SNX29: variants seen among roughly 807,000 people sequenced by gnomAD.
SNX29 encodes sorting nexin-29.
A neutral mutation model predicts 102.1 loss-of-function variants in SNX29; 78 were observed. That is an observed-to-expected ratio of 0.76 (90% CI 0.64 to 0.92). The LOEUF (loss-of-function observed/expected upper bound fraction) is 0.92, where lower values mean the gene tolerates loss of function less well. SNX29 is among the 40% of genes least tolerant of loss of function. The pLI, the probability that SNX29 is intolerant of heterozygous loss-of-function variation, is 0.00. For missense variants in SNX29, 1,280 were observed against 1,061.7 expected (o/e 1.21, Z -2.86); for synonymous variants, 580 against 414.5 (o/e 1.40, Z -4.85).
intron 19 of SNX29, among the ~76,000 whole-genome samples, chr16:12,513,688 A>G (rs1165716392): frequency 6.6e-6 from 1 of 152,218 alleles, no homozygotes; most frequent in Non-Finnish European, 1.5e-5. Flanking sequence ...GTCCCAGTAT[A>G]AAGATTAGAA....
intron 13 of SNX29, among the ~76,000 whole-genome samples, chr16:12,187,273 T>G (rs2076534056): frequency 6.6e-6 from 1 of 152,206 alleles, no homozygotes; most frequent in Admixed American, 6.5e-5. Flanking sequence ...AAAGATATGT[T>G]ATAGAGCTGG....
intron 1 of SNX29, chr16:11,983,654 C>T (rs2055480269): frequency 6.1e-6 from 6 of 985,336 alleles, no homozygotes; most frequent in African/African-American, 1.7e-5. Flanking sequence ...TAGCAACTGG[C>T]GATGGACTAG....
intron 15 of SNX29, among the ~76,000 whole-genome samples, chr16:12,321,546 G>T (rs2080930905): frequency 6.6e-6 from 1 of 152,196 alleles, no homozygotes; most frequent in Non-Finnish European, 1.5e-5. Flanking sequence ...GAGAGAGCGG[G>T]GGGAGGAGTG....
chr16:12,154,500 C>T (rs1353740066), intron 13 of SNX29, among the ~76,000 whole-genome samples: 3 of 152,086 alleles, frequency 2.0e-5, no homozygotes, highest in East Asian at 1.9e-4. Context: ...TAGGGTCTGT[C>T]GCCCCTATTA....
chr16:12,216,078 T>C (rs2077315921), intron 14 of SNX29, among the ~76,000 whole-genome samples: 1 of 152,224 alleles, frequency 6.6e-6, no homozygotes, highest in African/African-American at 2.4e-5. Context: ...CTTAAATTGT[T>C]TCTCAACAAT....
intron 15 of SNX29, among the ~76,000 whole-genome samples, chr16:12,280,109 A>G (rs1348230054): frequency 1.3e-5 from 2 of 152,178 alleles, no homozygotes; most frequent in Non-Finnish European, 2.9e-5. Context: ...CCACTAGTTC[A>G]TTCGTGGGCC....
At chr16:12,489,781 T>C (rs1237795219) in intron 19 of SNX29, among the ~76,000 whole-genome samples, 1 of 152,198 alleles carries the variant, frequency 6.6e-6, no homozygotes, top group Non-Finnish European at 1.5e-5. Flanking sequence ...CCCCGTTCAC[T>C]TCTCTACTTC....
rs1596485537 is a variant in SNX29, at chr16:12,198,795, G to T, written c.1596-806G>T. On this transcript the variant is annotated intron_variant, in intron 13 of 20. Coordinates refer to ENST00000566228, the MANE Select transcript of SNX29 (RefSeq NM_032167.5). ...AATGTGGAGAATACTGCAGGCTATTGTGCATTTTTCTACTGAATGAAGCAT... is the reference window on the plus strand; with the variant it reads ...AATGTGGAGAATACTGCAGGCTATTTTGCATTTTTCTACTGAATGAAGCAT... Among the ~76,000 whole-genome samples, 5 of 152,252 alleles carry T rather than the reference G, an allele frequency of 3.3e-5. No individual in the cohort carries two copies. In the East Asian group the frequency reaches 9.6e-4, roughly 29 times the overall value.
chr16:12,544,543 C>G (rs576129199), intron 20 of SNX29, among the ~76,000 whole-genome samples: 1 of 152,278 alleles, frequency 6.6e-6, no homozygotes, highest in African/African-American at 2.4e-5. Context: ...TAGGAACATT[C>G]TCTGGAATGT....
At chr16:12,498,604 CTGTT>C (rs2088948839) in intron 19 of SNX29, among the ~76,000 whole-genome samples, 1 of 152,172 alleles carries the variant, frequency 6.6e-6, no homozygotes, top group Non-Finnish European at 1.5e-5. Context: ...GTTAAGGGCT[CTGTT>C]TGCATAGGCT....
At chr16:12,148,206 C>T (rs168412) in intron 13 of SNX29, among the ~76,000 whole-genome samples, 19,224 of 152,228 alleles carry the variant, frequency 0.13, 2,035 homozygotes, top group African/African-American at 0.29. Flanking sequence ...AGCTGAGCCA[C>T]ACAGGTTAAA....
chr16:12,269,490 A>C (rs2079028504), intron 14 of SNX29, among the ~76,000 whole-genome samples: 1 of 152,184 alleles, frequency 6.6e-6, no homozygotes, highest in African/African-American at 2.4e-5. Context: ...TTACTGACCT[A>C]TCTTTCTACA....
chr16:12,533,609 G>C (rs374255724), intron 20 of SNX29, among the ~76,000 whole-genome samples: 1 of 152,080 alleles, frequency 6.6e-6, no homozygotes, highest in African/African-American at 2.4e-5. Flanking sequence ...GAGACACCCC[G>C]CTACCTGGAC....
intron 15 of SNX29, among the ~76,000 whole-genome samples, chr16:12,278,646 CTATCT>C: frequency 6.6e-6 from 1 of 151,854 alleles, no homozygotes; most frequent in Non-Finnish European, 1.5e-5. Flanking sequence ...TTATACGTCT[CTATCT>C]TGGTTCAGGT....
chr16:12,255,592 A>G (rs1260180693), intron 14 of SNX29, among the ~76,000 whole-genome samples: 1 of 143,808 alleles, frequency 7.0e-6, no homozygotes, highest in Non-Finnish European at 1.5e-5. Context: ...CTCTGCTTCT[A>G]TGCTCATAAG....
chr16:12,353,241 C>G (rs555828983), intron 15 of SNX29, among the ~76,000 whole-genome samples: 1 of 152,274 alleles, frequency 6.6e-6, no homozygotes. Flanking sequence ...ACTGAGTGCT[C>G]CCCACAGCAT....
At chr16:12,204,367 TA>T (rs1403219586) in intron 14 of SNX29, among the ~76,000 whole-genome samples, 1 of 152,184 alleles carries the variant, frequency 6.6e-6, no homozygotes, top group Non-Finnish European at 1.5e-5. Flanking sequence ...TTCGTCCTTG[TA>T]AAGGGCGATT....
intron 15 of SNX29, among the ~76,000 whole-genome samples, chr16:12,308,389 C>A (rs943411785): frequency 4.6e-5 from 7 of 152,218 alleles, no homozygotes; most frequent in Admixed American, 4.6e-4. Context: ...CTTTGGGTGG[C>A]ATGTTATCCC....
At chr16:12,231,249 CTT>C in intron 14 of SNX29, among the ~76,000 whole-genome samples, 1 of 152,314 alleles carries the variant, frequency 6.6e-6, no homozygotes, top group Non-Finnish European at 1.5e-5. Context: ...GGTTGTAAAA[CTT>C]AGTCCCTTTC....
Sources: allele counts gnomAD v4.1 joint callset (sites outside exome capture counted in the v4.1 genomes callset), GRCh38; gene constraint gnomAD v4.1.1; transcripts MANE v1.5; gene names NCBI Gene and HGNC (gene_info 2026-07-23, HGNC 2026-07-21).